The following TTF1 variants were observed in gnomAD, a reference collection of about 807,000 sequenced individuals.
TTF1 encodes transcription termination factor 1, also known as transcription termination factor, RNA polymerase I.
Under a neutral mutation model 80.2 loss-of-function variants are expected in TTF1, and 64 were observed. The ratio of observed to expected loss-of-function variants is 0.80; its 90% CI spans 0.65 to 0.98. TTF1 has a LOEUF of 0.98. Among genes scored for constraint, TTF1 ranks in the 50% least tolerant of loss-of-function variants. TTF1 has a pLI of 0.00. For synonymous variants in TTF1, 372 were observed against 382.7 expected (o/e 0.97, Z 0.33); for missense variants, 1,023 against 1,086.2 (o/e 0.94, Z 0.82).
chr9:132,381,372 T>A (rs1564183494), intron 9 of TTF1, among the ~76,000 whole-genome samples: 1 of 152,078 alleles, frequency 6.6e-6, no homozygotes, highest in South Asian at 2.1e-4. Context: ...TGTATTTTAG[T>A]AGAGATGGGG....
chr9:132,404,909 G>A (rs560931110), intron 1 of TTF1, among the ~76,000 whole-genome samples: 1 of 151,380 alleles, frequency 6.6e-6, no homozygotes, highest in African/African-American at 2.4e-5. Context: ...TTTTTGAGAC[G>A]GAGTCTTGCT....
intron 9 of TTF1, among the ~76,000 whole-genome samples, chr9:132,386,189 G>A (rs1849466821): frequency 6.6e-6 from 1 of 152,118 alleles, no homozygotes; most frequent in Non-Finnish European, 1.5e-5. Context: ...AGGGAGGTGG[G>A]TGGGCCATAG....
chr9:132,394,086 G>T (rs1289011671), intron 5 of TTF1, among the ~76,000 whole-genome samples: 2 of 151,228 alleles, frequency 1.3e-5, no homozygotes, highest in Admixed American at 6.6e-5. Context: ...GCTAATTTTT[G>T]TATTTTTTGT....
chr9:132,377,064 A>G (rs1029339174), intron 10 of TTF1, among the ~76,000 whole-genome samples: 4 of 152,198 alleles, frequency 2.6e-5, no homozygotes, highest in African/African-American at 4.8e-5. Context: ...AATGGCTACA[A>G]AGAAGGAACT....
chr9:132,387,879 C>T (rs1054200186), intron 8 of TTF1, among the ~76,000 whole-genome samples: 1 of 152,192 alleles, frequency 6.6e-6, no homozygotes, highest in Non-Finnish European at 1.5e-5. Flanking sequence ...ACGGAGTATA[C>T]AGTATGTTTC....
At position 132,393,277 on chromosome 9, in the gene TTF1, C is replaced by CA. The variant is rs55845213; in HGVS notation, c.1857-1072_1857-1071insT. Among the ~76,000 whole-genome samples, 532 of 151,914 alleles carry CA rather than the reference C, an allele frequency of 3.5e-3. 3 individuals are homozygous for CA. Among genetic ancestry groups the CA allele is most frequent in the Middle Eastern group, 0.017 (5 of 294 alleles). On this transcript the variant is annotated intron_variant, in intron 5 of 10. Coordinates refer to ENST00000334270, the MANE Select transcript of TTF1 (RefSeq NM_007344.4). ...ATACATGTTGGGAGCAAGCCCCCCC[C>CA]GCAAACTGGCCATAAACAGAATCTC...
In TTF1 at chr9:132,379,080, A is replaced by G. The variant is rs770244496; in HGVS notation, c.2443T>C (p.Trp815Arg). ...SRLKAVYVPF[W>R]QKKTFPEIID... Reference sequence around the variant, plus strand: ...TAACCTGGAAAAGTCTTTTTCTGCCAAAATGGAACATAGACAGCTTTCAGC... The same window carrying G: ...TAACCTGGAAAAGTCTTTTTCTGCCGAAATGGAACATAGACAGCTTTCAGC... Residue 815 changes from tryptophan to arginine, a missense_variant, in exon 10 of 11, where the codon TGG becomes CGG. Trp to Arg is a moderately radical substitution (Grantham distance 101). Coordinates refer to ENST00000334270, the MANE Select transcript of TTF1 (RefSeq NM_007344.4). 2 of 1,609,462 alleles carry G rather than the reference A, an allele frequency of 1.2e-6. No individual in the cohort carries two copies. Among genetic ancestry groups the G allele is most frequent in the Non-Finnish European group, 1.7e-6 (2 of 1,178,654 alleles).
Position 132,401,612 on chromosome 9 carries a change from C to T in TTF1, c.1210G>A (p.Gly404Ser), listed in dbSNP as rs1195159496. Residue 404 changes from glycine to serine, a missense_variant, in exon 2 of 11, where the codon GGT (glycine) becomes AGT (serine). Physicochemically the swap from Gly to Ser is moderately conservative, Grantham distance 56. Transcript: ENST00000334270. ...LTSVKRARVS[G>S]DDFSVPSKNS... Reference sequence around the variant, plus strand: ...TTACTGGGCACTGAAAAATCATCACCAGACACTCGTGCCCTTTTGACAGAC... The same window carrying T: ...TTACTGGGCACTGAAAAATCATCACTAGACACTCGTGCCCTTTTGACAGAC... 5 of 1,614,112 alleles carry T rather than the reference C, an allele frequency of 3.1e-6. No individual in the cohort carries two copies. Among genetic ancestry groups the T allele is most frequent in the Non-Finnish European group, 4.2e-6 (5 of 1,180,020 alleles).
In TTF1 at chr9:132,376,159, T is replaced by C. The variant is rs1849172743; in HGVS notation, c.2474A>G (p.Asp825Gly). The C allele has an allele frequency of 6.2e-7, 1 of 1,611,968 alleles. No homozygotes were observed. The change falls in exon 11 of 11, where the codon GAC (aspartate) becomes GGC (glycine). Residue 825 changes from aspartate (D) to glycine (G), a missense_variant. Physicochemically the swap from Asp to Gly is moderately conservative, Grantham distance 94. Transcript: ENST00000334270. ...AGGTAGAGTCGTCTCATAAAGGTAG[T>C]CGATGATCTCTACAGAAAAGAAATT... ...WQKKTFPEII[D>G]YLYETTLPLL...
At chr9:132,383,727 A>G (rs1418688216) in intron 9 of TTF1, among the ~76,000 whole-genome samples, 1 of 152,158 alleles carries the variant, frequency 6.6e-6, no homozygotes, top group Non-Finnish European at 1.5e-5. Flanking sequence ...AGAGACTGGA[A>G]GTCTCGAATA....
At chr9:132,392,920 A>G (rs1406958836) in intron 5 of TTF1, among the ~76,000 whole-genome samples, 9 of 152,262 alleles carry the variant, frequency 5.9e-5, no homozygotes, top group Admixed American at 5.9e-4. Context: ...ATCAAAAAAT[A>G]TCAACGATGT....
Position 132,401,515 on chromosome 9 carries a change from C to T in TTF1, c.1307G>A (p.Arg436Lys). The change falls in exon 2 of 11, where the codon AGG (arginine) becomes AAG (lysine). Residue 436 changes from arginine (R) to lysine (K), a missense_variant. Arg to Lys is a conservative substitution (Grantham distance 26, BLOSUM62 2). Coordinates refer to ENST00000334270, the MANE Select transcript of TTF1 (RefSeq NM_007344.4). ...GAMMEEGVKS[R>K]PRQKKTQACL... ...GGCCTGGGTTTTCTTTTGTCGGGGC[C>T]TAGATTTCACACCTTCTTCCATCAT... The T allele has an allele frequency of 6.2e-7, 1 of 1,614,146 alleles. No homozygotes were observed. The highest frequency in any genetic ancestry group is 8.5e-7 in the Non-Finnish European group (1 of 1,180,014).
chr9:132,391,938 T>C lies in TTF1; in HGVS notation c.1987+138A>G, dbSNP rs565849502. ...CACGAGGAAACCAAACAAATTAGTA[T>C]AGAGAACAGCTTAAGAAACAAAGCT... On this transcript the variant is annotated intron_variant, in intron 6 of 10. Coordinates refer to ENST00000334270, the MANE Select transcript of TTF1 (RefSeq NM_007344.4). The C allele has an allele frequency of 2.0e-3, 2,757 of 1,387,794 alleles. 12 individuals are homozygous for C. The highest frequency in any genetic ancestry group is 4.3e-3 in the South Asian group (290 of 68,206). The allele number at this position is 1,387,794 out of a possible 1,614,324, so 86.0% of individuals were successfully genotyped here. A position where few individuals can be genotyped will look rare whatever the true frequency, so the allele number is the denominator to read the frequency against.
Position 132,375,882 on chromosome 9 carries a change from C to T in TTF1, c.*33G>A. The T allele has an allele frequency of 7.5e-7, 1 of 1,331,552 alleles. No individual in the cohort carries two copies. Among genetic ancestry groups the T allele is most frequent in the Non-Finnish European group, 1.0e-6 (1 of 958,154 alleles). The allele number at this position is 1,331,552 out of a possible 1,614,324, so 82.5% of individuals were successfully genotyped here. A position where few individuals can be genotyped will look rare whatever the true frequency, so the allele number is the denominator to read the frequency against. On this transcript the variant is annotated 3_prime_UTR_variant, in exon 11 of 11. Transcript: ENST00000334270. Reference sequence around the variant, plus strand: ...ATTTTTAATAGTGACAGGTCTTCACCATGTTGGTCAGGCCGGTCTCGAACT... The same window carrying T: ...ATTTTTAATAGTGACAGGTCTTCACTATGTTGGTCAGGCCGGTCTCGAACT...
At chr9:132,391,405 C>T (rs1415787379) in intron 6 of TTF1, among the ~76,000 whole-genome samples, 1 of 20,302 alleles carries the variant, frequency 4.9e-5, no homozygotes, top group Non-Finnish European at 4.3e-3. Context: ...TGCTTTTGGT[C>T]TGGCCACAGA....
Position 132,401,459 on chromosome 9 carries a change from G to A in TTF1, c.1363C>T (p.Pro455Ser), listed in dbSNP as rs1311679803. 3 of 1,605,582 alleles carry A rather than the reference G, an allele frequency of 1.9e-6. No individual in the cohort carries two copies. The highest frequency in any genetic ancestry group is 3.4e-5 in the Admixed American group (2 of 58,670). The change falls in exon 2 of 11, where the codon CCA (proline) becomes TCA (serine). Residue 455 changes from proline to serine, a missense_variant. By Grantham distance (74) the Pro-to-Ser change is moderately conservative. Coordinates refer to ENST00000334270, the MANE Select transcript of TTF1 (RefSeq NM_007344.4). ...CLASKHVQEA[P>S]RLEPANEEHN... ...GGAATACCACTCCCTCGTTACCTTG[G>A]CGCCTCTTGCACGTGCTTGCTTGCC... is the stretch of plus-strand genomic sequence containing the variant.
intron 8 of TTF1, among the ~76,000 whole-genome samples, 199 bp from the exon 9 acceptor site, chr9:132,386,820 G>A (rs1019525570): frequency 1.3e-5 from 2 of 152,172 alleles, no homozygotes; most frequent in African/African-American, 4.8e-5. Context: ...ACAGAGATGG[G>A]CTGAAAAGAC....
chr9:132,395,027 A>G (rs1849621886), intron 5 of TTF1, among the ~76,000 whole-genome samples: 1 of 152,062 alleles, frequency 6.6e-6, no homozygotes, highest in Non-Finnish European at 1.5e-5. Context: ...CCCCGTCTCT[A>G]CGAAAAATAC....
intron 10 of TTF1, among the ~76,000 whole-genome samples, chr9:132,378,211 G>T (rs1398859812): frequency 8.5e-6 from 1 of 118,100 alleles, no homozygotes; most frequent in Non-Finnish European, 1.7e-5. Flanking sequence ...GCGTGTGAAT[G>T]CATGTGGTGT....
Sources: gnomAD v4.1 joint callset for allele counts (sites outside exome capture counted in the v4.1 genomes callset) on GRCh38, gnomAD v4.1.1 for gene constraint, MANE v1.5 for transcripts, NCBI Gene and HGNC (gene_info 2026-07-23, HGNC 2026-07-21) for gene names.